Variants in RPL39L observed in about 807,000 individuals in gnomAD.
The protein encoded by RPL39L is ribosomal protein eL39-like 2.
For synonymous variants in RPL39L, 16 were observed against 20.1 expected (o/e 0.80, Z 0.55); for missense variants, 48 against 58.9 (o/e 0.81, Z 0.61).
At position 187,139,484 on chromosome 3, in the gene RPL39L, A is replaced by G. The variant is rs1720654612; in HGVS notation, c.-364T>C. The G allele has an allele frequency of 6.6e-6, 1 of 152,108 alleles. No individual in the cohort carries two copies. The highest frequency in any genetic ancestry group is 1.5e-5 in the Non-Finnish European group (1 of 68,014). The allele number at this position is 152,108 out of a possible 1,614,324, so 9.4% of individuals were successfully genotyped here. On this transcript the variant is annotated 5_prime_UTR_variant, in exon 1 of 3. Coordinates refer to ENST00000296277, the MANE Select transcript of RPL39L (RefSeq NM_052969.3). ...CAGCAATTCAACCGCCGCGCGCCGG[A>G]TGCTAAGACCGCGATTTCCCCGGAT...
At chr3:187,125,449 A>C (rs1191646868) in intron 2 of RPL39L, among the ~76,000 whole-genome samples, 1 of 151,966 alleles carries the variant, frequency 6.6e-6, no homozygotes, top group Non-Finnish European at 1.5e-5. Flanking sequence ...TGTGAAAAGC[A>C]CCCTTTGTTA....
At chr3:187,122,743 G>T (rs1283257256) in intron 2 of RPL39L, among the ~76,000 whole-genome samples, 1 of 152,180 alleles carries the variant, frequency 6.6e-6, no homozygotes. Context: ...TGAAGGATGG[G>T]CACTATAGTT....
intron 1 of RPL39L, among the ~76,000 whole-genome samples, chr3:187,138,703 C>A (rs1720630362): frequency 6.6e-6 from 1 of 152,148 alleles, no homozygotes. Context: ...TTTAAGGCTA[C>A]TTTATTGTCG....
chr3:187,126,460 G>A (rs1160990431), intron 2 of RPL39L, among the ~76,000 whole-genome samples: 4 of 151,920 alleles, frequency 2.6e-5, no homozygotes, highest in East Asian at 1.9e-4. Flanking sequence ...CACCACGCCC[G>A]GCCCATCTAT....
At position 187,125,408 on chromosome 3, in the gene RPL39L, G is replaced by T. The variant is rs2287138; in HGVS notation, c.-29+2591C>A. Reference sequence around the variant, plus strand: ...GGCCATAACTTGCCTTGTAACTTAAGAAGTGTCATGGCTGGAAAGCCTCTA... The same window carrying T: ...GGCCATAACTTGCCTTGTAACTTAATAAGTGTCATGGCTGGAAAGCCTCTA... On this transcript the variant is annotated intron_variant, in intron 2 of 2. Transcript: ENST00000296277. Among the ~76,000 whole-genome samples, 875 of 152,222 alleles carry T rather than the reference G, an allele frequency of 5.7e-3. 16 individuals are homozygous for T. The highest frequency in any genetic ancestry group is 0.053 in the East Asian group (274 of 5,182).
At chr3:187,132,488 T>C (rs995017654) in intron 1 of RPL39L, among the ~76,000 whole-genome samples, 1 of 152,224 alleles carries the variant, frequency 6.6e-6, no homozygotes, top group Non-Finnish European at 1.5e-5. Flanking sequence ...GTAAATCTGA[T>C]GCTGACAGAC....
In RPL39L at chr3:187,121,079, T is replaced by A. The variant is rs532084272; in HGVS notation, c.*66A>T. The A allele has an allele frequency of 3.2e-6, 5 of 1,563,482 alleles. No homozygotes were observed. The East Asian group carries it at 9.0e-5, about 28-fold the overall frequency. Reference sequence around the variant, plus strand: ...CCAGGTAGTGGTGACATTTTCAGCTTGATATCGTAAGATGATCGTGAACTT... The same window carrying A: ...CCAGGTAGTGGTGACATTTTCAGCTAGATATCGTAAGATGATCGTGAACTT... On this transcript the variant is annotated 3_prime_UTR_variant, in exon 3 of 3. Transcript: ENST00000296277.
chr3:187,124,478 TG>T (rs1280275574), intron 2 of RPL39L, among the ~76,000 whole-genome samples: 1 of 152,208 alleles, frequency 6.6e-6, no homozygotes, highest in Non-Finnish European at 1.5e-5. Context: ...CAATCATACT[TG>T]GCCATTTAAC....
At position 187,121,206 on chromosome 3, in the gene RPL39L, CCAG is replaced by C; in HGVS notation, c.92_94del (p.Pro31_Gly32delinsArg). 1 of 1,613,818 alleles carries C rather than the reference CCAG, an allele frequency of 6.2e-7. No individual in the cohort carries two copies. ...TTTGGAGTTGTACCTGATTTTACTA[CCAG>C]GTTTCATCTGAATCCACTGGGGGAT... is the stretch of plus-strand genomic sequence containing the variant. On this transcript the variant is annotated inframe_deletion, in exon 3 of 3. Coordinates refer to ENST00000296277, the MANE Select transcript of RPL39L (RefSeq NM_052969.3).
intron 1 of RPL39L, among the ~76,000 whole-genome samples, chr3:187,137,453 T>A (rs1243070653): frequency 6.6e-6 from 1 of 152,092 alleles, no homozygotes; most frequent in Admixed American, 6.5e-5. Flanking sequence ...GAGGCTGCAG[T>A]GAGCCGAGGT....
chr3:187,136,760 T>A, intron 1 of RPL39L, among the ~76,000 whole-genome samples: 1 of 152,202 alleles, frequency 6.6e-6, no homozygotes, highest in East Asian at 1.9e-4. Flanking sequence ...GAGCCCCACA[T>A]ATAGTTACAA....
intron 1 of RPL39L, 61 bp from the exon 2 acceptor site, chr3:187,128,123 C>A (rs1418075212): frequency 6.6e-6 from 1 of 152,124 alleles, no homozygotes; most frequent in East Asian, 1.9e-4. Context: ...TTCAGTTAAA[C>A]CTTACCTGTG....
rs1216663237 is a variant in RPL39L, at chr3:187,121,476, A to T, written c.-28-148T>A. 5.3e-5 allele frequency: 40 copies of T among 756,484 alleles called. No homozygotes were observed. In the East Asian group the frequency reaches 1.1e-3, roughly 21 times the overall value. The allele number at this position is 756,484 out of a possible 1,614,324, so 46.9% of individuals were successfully genotyped here. A position where few individuals can be genotyped will look rare whatever the true frequency, so the allele number is the denominator to read the frequency against. On this transcript the variant is annotated intron_variant, in intron 2 of 2. Transcript: ENST00000296277. The stretch of plus-strand genomic sequence containing the variant: ...CTCAGGATCCCACAGGCAGCTCAGG[A>T]GCAGCTCAGGAGCCAGCAGCGGTCT...
At chr3:187,126,850 G>A (rs995863163) in intron 2 of RPL39L, among the ~76,000 whole-genome samples, 1 of 152,154 alleles carries the variant, frequency 6.6e-6, no homozygotes, top group Non-Finnish European at 1.5e-5. Context: ...AGTCTGTCAG[G>A]AGACCTTCTC....
At chr3:187,125,111 C>A (rs11707370) in intron 2 of RPL39L, among the ~76,000 whole-genome samples, 10,889 of 152,138 alleles carry the variant, frequency 0.072, 1,194 homozygotes, top group African/African-American at 0.24. Context: ...ACATCCCAGA[C>A]AACAAAACAC....
At chr3:187,124,408 T>C (rs1038832784) in intron 2 of RPL39L, among the ~76,000 whole-genome samples, 1 of 152,180 alleles carries the variant, frequency 6.6e-6, no homozygotes, top group Admixed American at 6.5e-5. Context: ...CCTGCTGCAG[T>C]TGAAAGAAAG....
rs184077051 is a variant in RPL39L, at chr3:187,127,968, C to T, written c.-29+31G>A. On this transcript the variant is annotated intron_variant, in intron 2 of 2. Coordinates refer to ENST00000296277, the MANE Select transcript of RPL39L (RefSeq NM_052969.3). ...TTTTAAAAATTACACTTTTTTTTCA[C>T]AAGTTGAAAGAAAGAGGAAGAAAAT... 40 of 151,822 alleles carry T rather than the reference C, an allele frequency of 2.6e-4. No individual in the cohort carries two copies. The East Asian group carries it at 7.0e-3, about 26-fold the overall frequency. 9.4% of individuals were successfully genotyped at this position (151,822 alleles called of 1,614,324 possible).
intron 1 of RPL39L, among the ~76,000 whole-genome samples, chr3:187,138,425 G>A (rs1560202852): frequency 6.6e-6 from 1 of 152,178 alleles, no homozygotes; most frequent in Non-Finnish European, 1.5e-5. Flanking sequence ...GAAGTGGCGA[G>A]ATTCCTTGGG....
intron 2 of RPL39L, among the ~76,000 whole-genome samples, chr3:187,123,951 CAA>C (rs1720355261): frequency 6.6e-6 from 1 of 152,152 alleles, no homozygotes; most frequent in Non-Finnish European, 1.5e-5. Context: ...AAAAGAAACT[CAA>C]AGAGATATCT....
Sources: allele counts gnomAD v4.1 joint callset (sites outside exome capture counted in the v4.1 genomes callset), GRCh38; gene constraint gnomAD v4.1.1; transcripts MANE v1.5; gene names NCBI Gene and HGNC (gene_info 2026-07-23, HGNC 2026-07-21).